The following NCOA1 variants were observed in gnomAD, a reference collection of about 807,000 sequenced individuals.
The protein encoded by NCOA1 is Hin-2 protein.
Under a neutral mutation model 150.9 loss-of-function variants are expected in NCOA1, and 35 were observed. The observed-to-expected ratio is 0.23, with a 90% CI of 0.18 to 0.31. NCOA1 has a LOEUF of 0.31. Among genes scored for constraint, NCOA1 ranks in the 10% least tolerant of loss-of-function variants. NCOA1 has a pLI of 1.00. For synonymous variants in NCOA1, 590 were observed against 630.0 expected (o/e 0.94, Z 0.95); for missense variants, 1,491 against 1,749.3 (o/e 0.85, Z 2.63).
chr2:24,651,526 A>C lies in NCOA1; in HGVS notation c.-17-7135A>C, dbSNP rs1389296929. On this transcript the variant is annotated intron_variant, in intron 4 of 22. Transcript: ENST00000348332. ...CAAAGGCAAATATACAGAGATAGAG[A>C]ATAAAACATTGCCATAGTGGGGAAA... 2.0e-4 allele frequency among the ~76,000 whole-genome samples: 31 copies of C among 152,060 alleles called. 1 individual carries two copies. The highest frequency in any genetic ancestry group is 2.0e-3 in the Admixed American group (31 of 15,256).
chr2:24,658,759 G>A lies in NCOA1; in HGVS notation c.82G>A (p.Ala28Thr). 3 of 1,613,958 alleles carry A rather than the reference G, an allele frequency of 1.9e-6. No homozygotes were observed. The highest frequency in any genetic ancestry group is 3.3e-4 in the Middle Eastern group (2 of 6,062). ...GAAAGGATCGCCATGTGACACACTG[G>A]CATCAAGGTAGGAACACTCCTCTTA... The part of the protein sequence containing the change: ...KRKGSPCDTL[A>T]SSTEKRRREQ... Residue 28 changes from alanine (A) to threonine (T), a missense_variant, in exon 5 of 23, where the codon GCA becomes ACA. Coordinates refer to ENST00000348332, the MANE Select transcript of NCOA1 (RefSeq NM_003743.5).
chr2:24,660,985 C>A (rs534391850), intron 5 of NCOA1, among the ~76,000 whole-genome samples: 2 of 151,804 alleles, frequency 1.3e-5, no homozygotes, highest in Admixed American at 6.6e-5. Context: ...CACTTGAACC[C>A]GGGAGGTGGA....
chr2:24,647,989 G>A (rs748449466), intron 4 of NCOA1, among the ~76,000 whole-genome samples: 7 of 152,182 alleles, frequency 4.6e-5, no homozygotes, highest in Middle Eastern at 6.8e-3. Context: ...TGAGAACCCC[G>A]GAAAATGGAA....
chr2:24,690,650 T>C (rs1435884778), intron 8 of NCOA1, among the ~76,000 whole-genome samples: 1 of 5,670 alleles, frequency 1.8e-4, no homozygotes, highest in African/African-American at 3.1e-4. Context: ...AGATTCCATC[T>C]CAAAAAAAAA....
At chr2:24,647,261 C>T (rs1294549857) in intron 4 of NCOA1, among the ~76,000 whole-genome samples, 1 of 152,120 alleles carries the variant, frequency 6.6e-6, no homozygotes, top group Admixed American at 6.6e-5. Context: ...AGTTATGTGA[C>T]TGTAGGTTAG....
rs139157667 is a variant in NCOA1, at chr2:24,509,221, A to G, written c.-396+17619A>G. Reference sequence around the variant, plus strand: ...TTTATAACAATCCTGTAAGCCAGACATTATCATATTTATTTTTGCAGTTCA... The same window carrying G: ...TTTATAACAATCCTGTAAGCCAGACGTTATCATATTTATTTTTGCAGTTCA... On this transcript the variant is annotated intron_variant, in intron 1 of 22. Coordinates refer to ENST00000348332, the MANE Select transcript of NCOA1 (RefSeq NM_003743.5). 9.8e-5 allele frequency among the ~76,000 whole-genome samples: 15 copies of G among 152,356 alleles called. No homozygotes were observed. In the East Asian group the frequency reaches 2.7e-3, roughly 27 times the overall value.
chr2:24,744,815 G>T (rs1011486342), intron 19 of NCOA1, among the ~76,000 whole-genome samples: 3 of 152,168 alleles, frequency 2.0e-5, no homozygotes, highest in Non-Finnish European at 4.4e-5. Context: ...TATTATCTAT[G>T]GCTGGTTTCA....
intron 1 of NCOA1, among the ~76,000 whole-genome samples, chr2:24,517,167 TTTTA>T (rs1175683685): frequency 1.3e-5 from 2 of 151,628 alleles, no homozygotes; most frequent in East Asian, 3.9e-4. Flanking sequence ...CACACTTATT[TTTTA>T]TTTATTTATT....
intron 7 of NCOA1, among the ~76,000 whole-genome samples, chr2:24,677,064 C>T (rs1192001804): frequency 6.6e-6 from 1 of 152,140 alleles, no homozygotes; most frequent in African/African-American, 2.4e-5. Context: ...TGATTTGGGG[C>T]CAGGCATGGT....
chr2:24,519,699 A>G (rs1396147824), intron 1 of NCOA1, among the ~76,000 whole-genome samples: 4 of 151,466 alleles, frequency 2.6e-5, no homozygotes, highest in Non-Finnish European at 5.9e-5. Flanking sequence ...TGCATGCCTA[A>G]TTACTAGTAG....
intron 1 of NCOA1, among the ~76,000 whole-genome samples, chr2:24,503,298 G>C (rs2148079293): frequency 6.6e-6 from 1 of 152,160 alleles, no homozygotes; most frequent in East Asian, 1.9e-4. Flanking sequence ...GTCTGGTGTA[G>C]CTTGGTGAGT....
At chr2:24,747,260 CA>C (rs1462975207) in intron 19 of NCOA1, among the ~76,000 whole-genome samples, 1 of 151,540 alleles carries the variant, frequency 6.6e-6, no homozygotes, top group Non-Finnish European at 1.5e-5. Flanking sequence ...CTGTTGACCC[CA>C]CAAAGTAATA....
At chr2:24,746,612 A>G (rs1663934098) in intron 19 of NCOA1, among the ~76,000 whole-genome samples, 1 of 152,148 alleles carries the variant, frequency 6.6e-6, no homozygotes, top group South Asian at 2.1e-4. Context: ...GAACTAGATT[A>G]TCTGATTGAT....
rs548304788 is a variant in NCOA1 at position 24,708,361 on chromosome 2, C to T, written c.2418+473C>T. Among the ~76,000 whole-genome samples the T allele has an allele frequency of 2.6e-5, 4 of 152,228 alleles. No homozygotes were observed. The South Asian group carries it at 8.3e-4, about 32-fold the overall frequency. On this transcript the variant is annotated intron_variant, in intron 13 of 22. Transcript: ENST00000348332. ...TTTCCTAAGGCTGTTTTTTCCTTCT[C>T]ATCTGATTCTGACCACCCTCAGCAA... is the stretch of plus-strand genomic sequence containing the variant.
intron 19 of NCOA1, among the ~76,000 whole-genome samples, chr2:24,751,587 G>GGA (rs539134481): frequency 8.7e-5 from 12 of 138,162 alleles, no homozygotes; most frequent in African/African-American, 3.2e-4. Context: ...CATCTCGGGG[G>GGA]AAAAAAAAAA....
chr2:24,602,218 A>G (rs1274166577), intron 3 of NCOA1, among the ~76,000 whole-genome samples: 1 of 152,116 alleles, frequency 6.6e-6, no homozygotes, highest in African/African-American at 2.4e-5. Flanking sequence ...AGTTTAAAGT[A>G]AAGGCAGGGT....
At chr2:24,647,663 C>T (rs1670534439) in intron 4 of NCOA1, among the ~76,000 whole-genome samples, 1 of 152,064 alleles carries the variant, frequency 6.6e-6, no homozygotes, top group Admixed American at 6.6e-5. Flanking sequence ...ATTACATGCT[C>T]AATATATATA....
At chr2:24,532,636 A>G (rs953775482) in intron 1 of NCOA1, among the ~76,000 whole-genome samples, 2 of 152,116 alleles carry the variant, frequency 1.3e-5, no homozygotes, top group African/African-American at 4.8e-5. Flanking sequence ...TGTATAAGGT[A>G]TAAGGAAGGG....
chr2:24,641,585 G>C (rs1477148716), intron 3 of NCOA1, among the ~76,000 whole-genome samples: 2 of 151,948 alleles, frequency 1.3e-5, no homozygotes, highest in Non-Finnish European at 2.9e-5. Context: ...TTTTAATTTT[G>C]CCTTCAGTTT....
Sources: allele counts gnomAD v4.1 joint callset (sites outside exome capture counted in the v4.1 genomes callset), GRCh38; gene constraint gnomAD v4.1.1; transcripts MANE v1.5; gene names NCBI Gene and HGNC (gene_info 2026-07-23, HGNC 2026-07-21).